The following CCDC171 variants were observed in gnomAD, a reference collection of about 807,000 sequenced individuals.
CCDC171 encodes coiled-coil domain containing 171.
A neutral mutation model predicts 168.2 loss-of-function variants in CCDC171; 177 were observed. The observed-to-expected ratio is 1.05, with a 90% CI of 0.93 to 1.19. The LOEUF (loss-of-function observed/expected upper bound fraction) is 1.19, where lower values mean the gene tolerates loss of function less well. Among genes scored for constraint, CCDC171 ranks in the 50% most tolerant of loss-of-function variants. The pLI, the probability that CCDC171 is intolerant of heterozygous loss-of-function variation, is 0.00. For synonymous variants in CCDC171, 687 were observed against 540.8 expected, an observed-to-expected ratio of 1.27 and a Z score of -3.75; for missense variants, 1,991 against 1,539.0, an observed-to-expected ratio of 1.29 and a Z score of -4.91.
chr9:15,823,633 G>A (rs944360915), intron 21 of CCDC171, among the ~76,000 whole-genome samples: 1 of 152,084 alleles, frequency 6.6e-6, no homozygotes, highest in African/African-American at 2.4e-5. Flanking sequence ...TACGCATGAG[G>A]ACGCTGCTTT....
In CCDC171 at chr9:15,905,625, G is replaced by C. The variant is rs186940525; in HGVS notation, c.3601-14645G>C. On this transcript the variant is annotated intron_variant, in intron 24 of 25. Coordinates refer to ENST00000380701, the MANE Select transcript of CCDC171 (RefSeq NM_173550.4). ...ACAATTAAAAGAACTAGAGAAGCAAGAGCAAACACATTCAAAAGCTAGCAG... is the reference window on the plus strand; with the variant it reads ...ACAATTAAAAGAACTAGAGAAGCAACAGCAAACACATTCAAAAGCTAGCAG... Among the ~76,000 whole-genome samples, 386 of 152,122 alleles carry C rather than the reference G, an allele frequency of 2.5e-3. 14 individuals carry two copies. The highest frequency in any genetic ancestry group is 0.023 in the Admixed American group (345 of 15,270).
chr9:15,687,964 C>G (rs928396892), intron 10 of CCDC171, among the ~76,000 whole-genome samples: 1 of 151,744 alleles, frequency 6.6e-6, no homozygotes, highest in Non-Finnish European at 1.5e-5. Context: ...ACTGAAAATA[C>G]AAAAATTAGC....
At position 15,789,502 on chromosome 9, in the gene CCDC171, A is replaced by G. The variant is rs574604476; in HGVS notation, c.3267+4808A>G. ...ATTGTTTTAAGCAAAAGCTAAGGCA[A>G]AAGTCTATCTGGAAAAAGGCTTGCC... is the stretch of plus-strand genomic sequence containing the variant. On this transcript the variant is annotated intron_variant, in intron 21 of 25. Transcript: ENST00000380701. Among the ~76,000 whole-genome samples, 26 of 152,346 alleles carry G rather than the reference A, an allele frequency of 1.7e-4. No homozygotes were observed. The South Asian group carries it at 4.6e-3, about 27-fold the overall frequency.
At chr9:16,055,584 G>T (rs191941045) in intron 1 of CCDC171, among the ~76,000 whole-genome samples, 1 of 152,238 alleles carries the variant, frequency 6.6e-6, no homozygotes, top group Non-Finnish European at 1.5e-5. Context: ...TATATTGCAG[G>T]AAGAAGGCTC....
chr9:16,091,578 C>T, the CCDC171 span, among the ~76,000 whole-genome samples: 1 of 152,170 alleles, frequency 6.6e-6, no homozygotes, highest in Admixed American at 6.5e-5. Context: ...AGGTCGTGAT[C>T]AGTCAGAGGG....
intron 6 of CCDC171, among the ~76,000 whole-genome samples, chr9:15,606,735 GGAAA>G (rs2043257405): frequency 6.6e-6 from 1 of 152,062 alleles, no homozygotes. Context: ...TGGAAGATGT[GGAAA>G]GAAAGCAAGT....
the CCDC171 span, among the ~76,000 whole-genome samples, chr9:16,083,016 G>A: frequency 2.0e-5 from 3 of 152,156 alleles, no homozygotes; most frequent in African/African-American, 7.2e-5. Flanking sequence ...TATGGTTGCA[G>A]ATTTACTGTC....
chr9:15,953,366 T>G (rs1017616492), intron 25 of CCDC171, among the ~76,000 whole-genome samples: 2 of 152,172 alleles, frequency 1.3e-5, no homozygotes, highest in Non-Finnish European at 2.9e-5. Flanking sequence ...TATTCCTAGT[T>G]TGTTGAGAGT....
At chr9:15,777,556 G>C (rs753598921) in intron 18 of CCDC171, 44 bp from the exon 19 acceptor site, 3 of 1,171,756 alleles carry the variant, frequency 2.6e-6, no homozygotes, top group Non-Finnish European at 3.8e-6. Context: ...AAATGCACAA[G>C]AGACAATTCA....
chr9:15,986,880 T>C (rs3008736), intron 3 of CCDC171, among the ~76,000 whole-genome samples: 75,292 of 152,060 alleles, frequency 0.5, 20,037 homozygotes, highest in African/African-American at 0.71. Context: ...TAAGGTGTAA[T>C]ATTTCAAATC....
At chr9:15,839,371 A>T (rs1563845769) in intron 21 of CCDC171, among the ~76,000 whole-genome samples, 1 of 152,168 alleles carries the variant, frequency 6.6e-6, no homozygotes. Context: ...TTTTATGGAA[A>T]ATCTGAAGAC....
At chr9:15,668,086 A>G (rs2048858399) in intron 9 of CCDC171, among the ~76,000 whole-genome samples, 1 of 152,362 alleles carries the variant, frequency 6.6e-6, no homozygotes, top group South Asian at 2.1e-4. Context: ...GGTAATGATT[A>G]GGACCTACAA....
chr9:15,813,348 G>A (rs1205127450), intron 21 of CCDC171, among the ~76,000 whole-genome samples: 1 of 152,200 alleles, frequency 6.6e-6, no homozygotes, highest in Non-Finnish European at 1.5e-5. Context: ...TGTGGGTCTT[G>A]CAATCACCAT....
intron 15 of CCDC171, among the ~76,000 whole-genome samples, chr9:15,729,096 T>C (rs961165860): frequency 1.3e-5 from 2 of 152,182 alleles, no homozygotes; most frequent in Non-Finnish European, 2.9e-5. Context: ...CCCTATGAGA[T>C]GGTATTATAT....
At chr9:16,070,565 C>A in the CCDC171 span, among the ~76,000 whole-genome samples, 1 of 152,104 alleles carries the variant, frequency 6.6e-6, no homozygotes, top group Non-Finnish European at 1.5e-5. Flanking sequence ...GAGCTGGGCT[C>A]TGGATGCCAG....
intron 3 of CCDC171, among the ~76,000 whole-genome samples, chr9:15,577,372 A>G (rs775778454): frequency 1.4e-4 from 21 of 152,184 alleles, no homozygotes; most frequent in Non-Finnish European, 2.6e-4. Flanking sequence ...CTGGCATCAT[A>G]GTTAAGTGCG....
intron 3 of CCDC171, among the ~76,000 whole-genome samples, chr9:16,010,354 A>G (rs1832835229): frequency 6.6e-6 from 1 of 152,200 alleles, no homozygotes; most frequent in Non-Finnish European, 1.5e-5. Context: ...GATTGCTTGC[A>G]AGATACTCCA....
intron 8 of CCDC171, 184 bp downstream of exon 8, chr9:15,657,403 G>T (rs1315758998): frequency 2.3e-6 from 1 of 443,066 alleles, no homozygotes; most frequent in Non-Finnish European, 4.2e-6. Context: ...TGGAGGAGTT[G>T]GCACACTATA....
At chr9:15,745,860 T>A (rs1031350236) in intron 18 of CCDC171, among the ~76,000 whole-genome samples, 1 of 152,146 alleles carries the variant, frequency 6.6e-6, no homozygotes, top group Admixed American at 6.5e-5. Context: ...GTATCCACCT[T>A]TTCTTTTTTT....
Sources: allele counts gnomAD v4.1 joint callset (sites outside exome capture counted in the v4.1 genomes callset), GRCh38; gene constraint gnomAD v4.1.1; transcripts MANE v1.5; gene names NCBI Gene and HGNC (gene_info 2026-07-23, HGNC 2026-07-21).